The following AUH variants were observed in gnomAD, a reference collection of about 807,000 sequenced individuals.
The protein encoded by AUH is methylglutaconyl-CoA hydratase, mitochondrial.
A neutral mutation model predicts 42.3 loss-of-function variants in AUH; 29 were observed. The ratio of observed to expected loss-of-function variants is 0.69; its 90% confidence interval spans 0.51 to 0.93. AUH has a LOEUF of 0.93. Among genes scored for constraint, AUH ranks in the 40% least tolerant of loss-of-function variants. The probability of loss-of-function intolerance (pLI) is 0.00; values close to 1 mark genes in which losing one functional copy is unlikely to be tolerated. For missense variants in AUH, 452 were observed against 438.1 expected (o/e 1.03, Z -0.28); for synonymous variants, 174 against 166.4 (o/e 1.05, Z -0.35).
chr9:91,332,447 A>G (rs1187795312), intron 3 of AUH, among the ~76,000 whole-genome samples: 1 of 152,250 alleles, frequency 6.6e-6, no homozygotes, highest in Non-Finnish European at 1.5e-5. Context: ...AGTTGCAGTG[A>G]GCCAAAATCG....
Position 91,361,839 on chromosome 9 carries a change from A to G in AUH, c.51T>C (p.Ala17=). The G allele has an allele frequency of 6.7e-7, 1 of 1,498,020 alleles. No homozygotes were observed. The highest frequency in any genetic ancestry group is 8.9e-7 in the Non-Finnish European group (1 of 1,129,476). 92.8% of individuals were successfully genotyped at this position (1,498,020 alleles called of 1,614,324 possible). A position where few individuals can be genotyped will look rare whatever the true frequency, so the allele number is the denominator to read the frequency against. Reference sequence around the variant, plus strand: ...AAGCGGCCACCAGGCGGGCGCCGCCAGCATGCAGGGATCCCAAGGCCCCAG... The same window carrying G: ...AAGCGGCCACCAGGCGGGCGCCGCCGGCATGCAGGGATCCCAAGGCCCCAG... ...AAPGALGSLH[A]GGARLVAACS... is the part of the protein sequence containing the mutation. Residue 17 remains alanine, a synonymous_variant, in exon 1 of 10, where the codon GCT becomes GCC. Transcript: ENST00000375731.
chr9:91,259,975 G>A (rs980708836), intron 6 of AUH, among the ~76,000 whole-genome samples: 1 of 151,800 alleles, frequency 6.6e-6, no homozygotes, highest in African/African-American at 2.4e-5. Flanking sequence ...CTTTTTACTT[G>A]CTCTATCAAT....
chr9:91,251,244 A>G (rs539539171), intron 6 of AUH, among the ~76,000 whole-genome samples: 1 of 152,304 alleles, frequency 6.6e-6, no homozygotes, highest in East Asian at 1.9e-4. Flanking sequence ...CAACATTTGG[A>G]GTGCAATGAC....
At chr9:91,247,347 C>T (rs555945291) in intron 6 of AUH, among the ~76,000 whole-genome samples, 8 of 152,242 alleles carry the variant, frequency 5.3e-5, no homozygotes, top group South Asian at 2.1e-4. Context: ...TTCCCTGCCT[C>T]GCCCCTCAGT....
intron 7 of AUH, 87 bp downstream of exon 7, chr9:91,220,718 T>C (rs1827081893): frequency 4.1e-6 from 6 of 1,470,702 alleles, no homozygotes; most frequent in Non-Finnish European, 4.7e-6. Flanking sequence ...AGGGACTTCT[T>C]CCATAGGCAA....
intron 4 of AUH, among the ~76,000 whole-genome samples, chr9:91,301,761 T>C (rs1213342159): frequency 6.6e-6 from 1 of 152,280 alleles, no homozygotes; most frequent in South Asian, 2.1e-4. Flanking sequence ...AGGCACCATA[T>C]GCCTTACAAT....
chr9:91,260,337 T>G (rs1489283444), intron 6 of AUH, among the ~76,000 whole-genome samples: 3 of 152,194 alleles, frequency 2.0e-5, no homozygotes, highest in Non-Finnish European at 4.4e-5. Context: ...AATGTAACTA[T>G]CCACATGAGT....
intron 4 of AUH, among the ~76,000 whole-genome samples, chr9:91,299,282 C>T (rs1827597926): frequency 6.6e-6 from 1 of 152,132 alleles, no homozygotes; most frequent in Non-Finnish European, 1.5e-5. Context: ...CTCTTCCATT[C>T]TGATATGTAA....
chr9:91,348,731 T>G (rs1463281724), intron 3 of AUH, among the ~76,000 whole-genome samples: 2 of 152,184 alleles, frequency 1.3e-5, no homozygotes, highest in Admixed American at 1.3e-4. Flanking sequence ...AGATTAGTAC[T>G]TTCAGAGATC....
At chr9:91,263,893 G>T (rs906728934) in intron 6 of AUH, among the ~76,000 whole-genome samples, 7 of 152,118 alleles carry the variant, frequency 4.6e-5, no homozygotes, top group African/African-American at 1.7e-4. Flanking sequence ...AGTTGTGATT[G>T]TAAGTATACA....
chr9:91,361,289 A>G (rs1327295586), intron 1 of AUH, among the ~76,000 whole-genome samples: 1 of 152,200 alleles, frequency 6.6e-6, no homozygotes, highest in Non-Finnish European at 1.5e-5. Flanking sequence ...CAGCAACAAT[A>G]AAGCCTGGTA....
At chr9:91,296,867 C>A (rs946429449) in intron 5 of AUH, among the ~76,000 whole-genome samples, 4 of 152,144 alleles carry the variant, frequency 2.6e-5, no homozygotes, top group Non-Finnish European at 5.9e-5. Context: ...TTTAAAAAAT[C>A]TTTTATAAAG....
chr9:91,247,891 A>C (rs1828885869), intron 6 of AUH, among the ~76,000 whole-genome samples: 1 of 152,208 alleles, frequency 6.6e-6, no homozygotes, highest in Non-Finnish European at 1.5e-5. Flanking sequence ...AGTTTAGAGA[A>C]TTCTCTACAA....
intron 4 of AUH, among the ~76,000 whole-genome samples, chr9:91,321,252 A>T (rs1829545179): frequency 6.6e-6 from 1 of 152,166 alleles, no homozygotes; most frequent in Non-Finnish European, 1.5e-5. Flanking sequence ...TTTAAACCGC[A>T]AGTTTAATCA....
At chr9:91,296,445 G>T (rs912930097) in intron 5 of AUH, among the ~76,000 whole-genome samples, 1 of 152,168 alleles carries the variant, frequency 6.6e-6, no homozygotes, top group African/African-American at 2.4e-5. Flanking sequence ...AAATTCTTCA[G>T]TTGCCTGAAT....
chr9:91,244,385 C>T (rs1047903019), intron 6 of AUH, among the ~76,000 whole-genome samples: 4 of 152,154 alleles, frequency 2.6e-5, no homozygotes, highest in Non-Finnish European at 5.9e-5. Context: ...TGTAGACTTC[C>T]TAGTTACTGA....
chr9:91,257,536 T>A (rs1020780705), intron 6 of AUH, among the ~76,000 whole-genome samples: 1 of 152,116 alleles, frequency 6.6e-6, no homozygotes, highest in Non-Finnish European at 1.5e-5. Context: ...TGCCACTCCC[T>A]TGAAAGTGGA....
chr9:91,215,018 C>T (rs112968180), intron 9 of AUH, among the ~76,000 whole-genome samples: 120 of 152,284 alleles, frequency 7.9e-4, no homozygotes, highest in Non-Finnish European at 1.3e-3. Flanking sequence ...TTGTAATTCA[C>T]TTTCCTCATG....
At chr9:91,265,702 T>G (rs1487630948) in intron 6 of AUH, among the ~76,000 whole-genome samples, 1 of 152,202 alleles carries the variant, frequency 6.6e-6, no homozygotes, top group Non-Finnish European at 1.5e-5. Flanking sequence ...GATTTTATTG[T>G]GCAACATCAA....
Sources: allele counts gnomAD v4.1 joint callset (sites outside exome capture counted in the v4.1 genomes callset), GRCh38; gene constraint gnomAD v4.1.1; transcripts MANE v1.5; gene names NCBI Gene and HGNC (gene_info 2026-07-23, HGNC 2026-07-21).